Variants in THSD7B observed in about 807,000 individuals in gnomAD.
THSD7B encodes the protein thrombospondin type-1 domain-containing protein 7B.
A neutral mutation model predicts 213.6 loss-of-function variants in THSD7B; 138 were observed. The observed-to-expected ratio is 0.65, with a 90% CI of 0.56 to 0.74. The LOEUF is 0.74. THSD7B is among the 30% of genes least tolerant of loss of function. The pLI, the probability that THSD7B is intolerant of heterozygous loss-of-function variation, is 0.00. For missense variants in THSD7B, 1,931 were observed against 1,991.5 expected (o/e 0.97, Z 0.58); for synonymous variants, 742 against 687.0 (o/e 1.08, Z -1.25).
At chr2:137,378,749 C>G (rs1685714822) in intron 12 of THSD7B, among the ~76,000 whole-genome samples, 1 of 152,076 alleles carries the variant, frequency 6.6e-6, no homozygotes, top group Non-Finnish European at 1.5e-5. Flanking sequence ...CTCCCCCAAC[C>G]ACTCCCTAAG....
At chr2:136,825,415 T>A (rs1234938910) in intron 1 of THSD7B, among the ~76,000 whole-genome samples, 2 of 152,182 alleles carry the variant, frequency 1.3e-5, no homozygotes, top group East Asian at 3.8e-4. Flanking sequence ...GATTACCCTT[T>A]TCATATTCTA....
At chr2:136,799,646 C>G (rs1336565751) in intron 1 of THSD7B, among the ~76,000 whole-genome samples, 1 of 151,830 alleles carries the variant, frequency 6.6e-6, no homozygotes, top group Admixed American at 6.6e-5. Flanking sequence ...GACACACATC[C>G]AAAAACATAG....
At chr2:137,537,632 C>T (rs1680531275) in intron 15 of THSD7B, among the ~76,000 whole-genome samples, 1 of 151,548 alleles carries the variant, frequency 6.6e-6, no homozygotes, top group African/African-American at 2.4e-5. Context: ...TTCTTTGGAA[C>T]TATTATTCTG....
At chr2:137,206,433 C>T (rs182728841) in intron 7 of THSD7B, among the ~76,000 whole-genome samples, 18 of 152,146 alleles carry the variant, frequency 1.2e-4, no homozygotes, top group Admixed American at 4.6e-4. Context: ...AGCTAGTTGC[C>T]ACTCAGAGGT....
At chr2:136,911,261 T>C (rs1442275910) in intron 2 of THSD7B, among the ~76,000 whole-genome samples, 2 of 152,202 alleles carry the variant, frequency 1.3e-5, no homozygotes, top group Non-Finnish European at 2.9e-5. Context: ...GAGTGATGAT[T>C]ATGTTGATAT....
intron 15 of THSD7B, among the ~76,000 whole-genome samples, chr2:137,529,244 G>A (rs1345937263): frequency 6.6e-6 from 1 of 151,904 alleles, no homozygotes; most frequent in Non-Finnish European, 1.5e-5. Context: ...TATTTAATGA[G>A]GTACTCTGTG....
At chr2:137,408,442 C>T (rs1686577466) in intron 13 of THSD7B, among the ~76,000 whole-genome samples, 1 of 152,084 alleles carries the variant, frequency 6.6e-6, no homozygotes, top group Admixed American at 6.5e-5. Context: ...TCAAGGGAAT[C>T]AGTAGACACG....
At chr2:137,382,969 A>G (rs1256204825) in intron 12 of THSD7B, among the ~76,000 whole-genome samples, 1 of 152,170 alleles carries the variant, frequency 6.6e-6, no homozygotes, top group Non-Finnish European at 1.5e-5. Context: ...GCAGGTGTGG[A>G]TATAGTAGCC....
chr2:137,461,890 A>C (rs1209059563), intron 15 of THSD7B, among the ~76,000 whole-genome samples: 1 of 152,070 alleles, frequency 6.6e-6, no homozygotes, highest in Non-Finnish European at 1.5e-5. Flanking sequence ...TGAAAGTTTC[A>C]TGTCCTCAGG....
intron 2 of THSD7B, among the ~76,000 whole-genome samples, chr2:137,053,763 C>A (rs2104873996): frequency 6.6e-6 from 1 of 152,146 alleles, no homozygotes; most frequent in South Asian, 2.1e-4. Flanking sequence ...ATTGTGTATG[C>A]TTAATACCTA....
chr2:136,845,314 T>C (rs1488102002), intron 1 of THSD7B, among the ~76,000 whole-genome samples: 2 of 152,348 alleles, frequency 1.3e-5, no homozygotes, highest in African/African-American at 2.4e-5. Context: ...GGCATTATTA[T>C]GCTTAGTGCA....
intron 4 of THSD7B, among the ~76,000 whole-genome samples, chr2:137,099,701 T>C (rs1248411423): frequency 6.6e-6 from 1 of 152,194 alleles, no homozygotes; most frequent in Non-Finnish European, 1.5e-5. Context: ...TGGAATCGAA[T>C]GTAAGACAGA....
At chr2:137,119,882 T>C (rs1205898872) in intron 5 of THSD7B, among the ~76,000 whole-genome samples, 1 of 152,200 alleles carries the variant, frequency 6.6e-6, no homozygotes, top group Non-Finnish European at 1.5e-5. Flanking sequence ...TCTTAGCTGA[T>C]ATCTTAAGGG....
At chr2:137,202,775 A>G (rs920347117) in intron 7 of THSD7B, among the ~76,000 whole-genome samples, 6 of 152,154 alleles carry the variant, frequency 3.9e-5, no homozygotes, top group Admixed American at 2.6e-4. Flanking sequence ...GTGGTAAGTC[A>G]AGTCTCTCCA....
At chr2:137,079,652 C>A (rs2104902927) in intron 3 of THSD7B, among the ~76,000 whole-genome samples, 1 of 152,184 alleles carries the variant, frequency 6.6e-6, no homozygotes, top group Admixed American at 6.5e-5. Context: ...GGTGGGTTTA[C>A]CTTTATGTGT....
chr2:137,472,852 CT>C (rs1688118689), intron 15 of THSD7B, among the ~76,000 whole-genome samples: 1 of 152,086 alleles, frequency 6.6e-6, no homozygotes. Flanking sequence ...AATCTTTAAT[CT>C]ATGCATTATT....
chr2:136,817,256 A>ATAT (rs990371163), intron 1 of THSD7B, among the ~76,000 whole-genome samples: 7 of 152,336 alleles, frequency 4.6e-5, no homozygotes, highest in Admixed American at 1.3e-4. Context: ...AAATAAAAGA[A>ATAT]TATTAGCCCT....
intron 15 of THSD7B, among the ~76,000 whole-genome samples, chr2:137,463,447 CT>C: frequency 6.6e-6 from 1 of 151,752 alleles, no homozygotes; most frequent in Non-Finnish European, 1.5e-5. Context: ...ACAAACTCAA[CT>C]TTTTACTCTT....
chr2:136,896,038 G>C (rs1460082508), intron 2 of THSD7B, among the ~76,000 whole-genome samples: 2 of 152,110 alleles, frequency 1.3e-5, no homozygotes, highest in African/African-American at 4.8e-5. Context: ...TGGCTGCTAT[G>C]GATAATGCTG....
Sources: gnomAD v4.1 joint callset for allele counts (sites outside exome capture counted in the v4.1 genomes callset) on GRCh38, gnomAD v4.1.1 for gene constraint, MANE v1.5 for transcripts, NCBI Gene and HGNC (gene_info 2026-07-23, HGNC 2026-07-21) for gene names.